The following MTHFD2L variants were observed in gnomAD, a reference collection of about 807,000 sequenced individuals.
The protein encoded by MTHFD2L is methylenetetrahydrofolate dehydrogenase (NADP+ dependent) 2 like.
Under a neutral mutation model 34.9 loss-of-function variants are expected in MTHFD2L, and 29 were observed. The observed-to-expected ratio is 0.83, with a 90% confidence interval of 0.62 to 1.13. The LOEUF (loss-of-function observed/expected upper bound fraction) is 1.13. Among genes scored for constraint, MTHFD2L ranks in the 50% most tolerant of loss-of-function variants. MTHFD2L has a pLI of 0.00. For missense variants in MTHFD2L, 481 were observed against 446.5 expected (o/e 1.08, Z -0.70); for synonymous variants, 167 against 155.7 (o/e 1.07, Z -0.54).
intron 1 of MTHFD2L, among the ~76,000 whole-genome samples, chr4:74,135,903 T>C (rs1320862874): frequency 6.6e-6 from 1 of 152,050 alleles, no homozygotes; most frequent in Non-Finnish European, 1.5e-5. Flanking sequence ...GCCATAAAGG[T>C]AAAGGCATTT....
At chr4:74,166,249 ACT>A (rs1726673641) in intron 1 of MTHFD2L, among the ~76,000 whole-genome samples, 1 of 152,116 alleles carries the variant, frequency 6.6e-6, no homozygotes, top group Admixed American at 6.5e-5. Flanking sequence ...GTAGGCCCAC[ACT>A]CTGTCGACTA....
intron 3 of MTHFD2L, 87 bp from the exon 4 acceptor site, chr4:74,199,707 A>T: frequency 9.0e-7 from 1 of 1,107,362 alleles, no homozygotes; most frequent in East Asian, 2.6e-5. Flanking sequence ...ATTATAAGTG[A>T]TGTGGCTTTA....
intron 5 of MTHFD2L, among the ~76,000 whole-genome samples, chr4:74,205,687 G>A (rs186099708): frequency 6.6e-6 from 1 of 152,198 alleles, no homozygotes; most frequent in Admixed American, 6.6e-5. Context: ...CAACAAGGAA[G>A]CAAGGAAGGA....
At chr4:74,255,182 A>G (rs1743867040) in intron 6 of MTHFD2L, among the ~76,000 whole-genome samples, 1 of 150,626 alleles carries the variant, frequency 6.6e-6, no homozygotes, top group Non-Finnish European at 1.5e-5. Flanking sequence ...ATGGGTATAC[A>G]GTATAAAAAA....
chr4:74,288,029 T>G (rs1274756177), intron 7 of MTHFD2L, among the ~76,000 whole-genome samples: 2 of 152,222 alleles, frequency 1.3e-5, no homozygotes, highest in East Asian at 3.8e-4. Flanking sequence ...TCCCTGTGTC[T>G]TCTCATTGTC....
intron 1 of MTHFD2L, among the ~76,000 whole-genome samples, chr4:74,148,947 T>G (rs1394444147): frequency 6.6e-6 from 1 of 151,820 alleles, no homozygotes; most frequent in Non-Finnish European, 1.5e-5. Context: ...CAGGTAGGTT[T>G]GACCAATGGG....
At chr4:74,209,541 G>T (rs1230408383) in intron 5 of MTHFD2L, among the ~76,000 whole-genome samples, 1 of 151,944 alleles carries the variant, frequency 6.6e-6, no homozygotes, top group Non-Finnish European at 1.5e-5. Context: ...TTTTTATGGG[G>T]GCATAGTATT....
At chr4:74,235,777 A>G (rs1006259748) in intron 6 of MTHFD2L, among the ~76,000 whole-genome samples, 2 of 152,118 alleles carry the variant, frequency 1.3e-5, no homozygotes, top group Non-Finnish European at 1.5e-5. Flanking sequence ...ATCTACTTCA[A>G]TTGATCGTAT....
chr4:74,271,672 T>C (rs918821095), intron 6 of MTHFD2L, among the ~76,000 whole-genome samples: 2 of 152,218 alleles, frequency 1.3e-5, no homozygotes, highest in African/African-American at 2.4e-5. Flanking sequence ...TGGTTCCATA[T>C]GAACTTTAAA....
intron 6 of MTHFD2L, chr4:74,267,598 G>A: frequency 7.9e-6 from 3 of 379,882 alleles, no homozygotes; most frequent in Non-Finnish European, 1.1e-5. Flanking sequence ...TTGTTTGCTT[G>A]TTTGTTTGTT....
At chr4:74,208,303 A>AT (rs1553910513) in intron 5 of MTHFD2L, among the ~76,000 whole-genome samples, 12 of 151,816 alleles carry the variant, frequency 7.9e-5, no homozygotes, top group Admixed American at 5.9e-4. Context: ...TGTCTTCTAA[A>AT]TTCAGTGTCT....
At chr4:74,205,971 G>A (rs1178928821) in intron 5 of MTHFD2L, among the ~76,000 whole-genome samples, 1 of 152,104 alleles carries the variant, frequency 6.6e-6, no homozygotes, top group African/African-American at 2.4e-5. Flanking sequence ...GTGACATGAA[G>A]AGAATGAGCT....
At chr4:74,237,065 C>G (rs28414214) in intron 6 of MTHFD2L, among the ~76,000 whole-genome samples, 1 of 151,768 alleles carries the variant, frequency 6.6e-6, no homozygotes. Context: ...AGGGTGCTTT[C>G]GTATAAAGGA....
intron 3 of MTHFD2L, among the ~76,000 whole-genome samples, chr4:74,178,846 G>A (rs1729551842): frequency 6.6e-6 from 1 of 151,948 alleles, no homozygotes; most frequent in Admixed American, 6.6e-5. Context: ...GCGTGAAGAG[G>A]GTAAGTAACT....
intron 5 of MTHFD2L, among the ~76,000 whole-genome samples, chr4:74,202,022 G>A (rs904976784): frequency 6.6e-6 from 1 of 152,164 alleles, no homozygotes. Flanking sequence ...CTGACCCAAC[G>A]ATGGATGAAT....
chr4:74,166,368 A>G (rs1272511295), intron 1 of MTHFD2L, among the ~76,000 whole-genome samples: 2 of 152,112 alleles, frequency 1.3e-5, no homozygotes, highest in Admixed American at 1.3e-4. Context: ...CTCTGTCTTC[A>G]CTTCCCTTTT....
At chr4:74,177,722 T>C (rs762767455) in intron 3 of MTHFD2L, among the ~76,000 whole-genome samples, 2 of 151,822 alleles carry the variant, frequency 1.3e-5, no homozygotes, top group Admixed American at 6.6e-5. Flanking sequence ...TAGAATACCG[T>C]ATGATCAAAA....
At chr4:74,147,360 G>C (rs558709380) in intron 1 of MTHFD2L, among the ~76,000 whole-genome samples, 1 of 152,132 alleles carries the variant, frequency 6.6e-6, no homozygotes, top group African/African-American at 2.4e-5. Flanking sequence ...ATTCCAGAAG[G>C]TTATATCCTG....
At chr4:74,295,711 A>G (rs1329637682) in intron 7 of MTHFD2L, among the ~76,000 whole-genome samples, 1 of 152,104 alleles carries the variant, frequency 6.6e-6, no homozygotes, top group Non-Finnish European at 1.5e-5. Flanking sequence ...TACCTCTTCC[A>G]TGTCACCTCC....
Sources: gnomAD v4.1 joint callset for allele counts (sites outside exome capture counted in the v4.1 genomes callset) on GRCh38, gnomAD v4.1.1 for gene constraint, MANE v1.5 for transcripts, NCBI Gene and HGNC (gene_info 2026-07-23, HGNC 2026-07-21) for gene names.